OAS2: variants seen among roughly 807,000 people sequenced by gnomAD.
OAS2 encodes 2'-5'-oligoadenylate synthase 2.
OAS2 carries 67 observed loss-of-function variants against 71.3 expected under a neutral mutation model. The observed-to-expected ratio is 0.94, with a 90% CI of 0.77 to 1.15. The LOEUF is 1.15. Ranked by LOEUF, OAS2 falls within the 50% of genes most tolerant of loss-of-function variation. OAS2 has a pLI of 0.00. For synonymous variants in OAS2, 327 were observed against 321.8 expected (o/e 1.02, Z -0.17); for missense variants, 789 against 822.5 (o/e 0.96, Z 0.50).
chr12:112,998,099 G>A lies in OAS2; in HGVS notation c.864-167G>A. The A allele has an allele frequency of 2.9e-6, 2 of 686,928 alleles. 1 individual carries two copies. 42.6% of individuals were successfully genotyped at this position (686,928 alleles called of 1,614,324 possible). On this transcript the variant is annotated intron_variant, in intron 4 of 9. Coordinates refer to ENST00000392583, the MANE Select transcript of OAS2 (RefSeq NM_002535.3). Reference sequence around the variant, plus strand: ...TGTCTCTGTAAAGCAGCAAACCCAGGGCCAGAGGGGCTTGATGTCGTAGAC... The same window carrying A: ...TGTCTCTGTAAAGCAGCAAACCCAGAGCCAGAGGGGCTTGATGTCGTAGAC...
Position 112,987,075 on chromosome 12 carries a change from A to G in OAS2, c.215A>G (p.Asn72Ser). 1 of 1,613,960 alleles carries G rather than the reference A, an allele frequency of 6.2e-7. No homozygotes were observed. Among genetic ancestry groups the G allele is most frequent in the Non-Finnish European group, 8.5e-7 (1 of 1,179,882 alleles). The change falls in exon 2 of 10, where the codon AAC becomes AGC. Residue 72 changes from asparagine to serine, a missense_variant. Coordinates refer to ENST00000392583, the MANE Select transcript of OAS2 (RefSeq NM_002535.3). ...GGACGGAAAACAGTCTTAAGAGGCA[A>G]CTCCGATGGTACCCTTGTCCTCTTC... ...SYGRKTVLRG[N>S]SDGTLVLFFS...
At chr12:112,988,555 C>T in intron 2 of OAS2, 1 of 929,584 alleles carries the variant, frequency 1.1e-6, no homozygotes, top group Non-Finnish European at 1.3e-6. Context: ...TATAGTTCAC[C>T]ATGTACAGAG....
At position 113,001,487 on chromosome 12, in the gene OAS2, C is replaced by CAT. The variant is rs553519985; in HGVS notation, c.1009-1437_1009-1436dup. ...ATATACATATATACACATATATACA[C>CAT]ATATATATACACATCTATACACATA... On this transcript the variant is annotated intron_variant, in intron 5 of 9. Transcript: ENST00000392583. Among the ~76,000 whole-genome samples the CAT allele has an allele frequency of 2.7e-4, 40 of 146,818 alleles. No homozygotes were observed. The South Asian group carries it at 8.4e-3, about 31-fold the overall frequency.
chr12:113,003,246 G>GT, intron 6 of OAS2, 144 bp downstream of exon 6: 5 of 822,014 alleles, frequency 6.1e-6, no homozygotes, highest in Non-Finnish European at 7.9e-6. Flanking sequence ...AAGGGAACTA[G>GT]GACACTAGTT....
chr12:113,001,433 TATATACACATATATAC>T (rs1157580749), intron 5 of OAS2, among the ~76,000 whole-genome samples: 1 of 73,532 alleles, frequency 1.4e-5, no homozygotes, highest in East Asian at 2.6e-4. Context: ...TATGCACATA[TATATACACATATATAC>T]ATATATACAC....
At position 112,978,661 on chromosome 12, in the gene OAS2, G is replaced by T; in HGVS notation, c.53G>T (p.Trp18Leu). 1 of 1,614,128 alleles carries T rather than the reference G, an allele frequency of 6.2e-7. No individual in the cohort carries two copies. The highest frequency in any genetic ancestry group is 8.5e-7 in the Non-Finnish European group (1 of 1,180,012). The change falls in exon 1 of 10, where the codon TGG (tryptophan) becomes TTG (leucine). Residue 18 changes from tryptophan (W) to leucine (L), a missense_variant. Physicochemically the swap from Trp to Leu is moderately conservative, Grantham distance 61 (BLOSUM62 -2). Transcript: ENST00000392583. The surrounding 1 kb of genome is among the most constrained non-coding windows in gnomAD (Gnocchi z 4.2). ...TCGGTGCCTGCTCAGAAGCTGGGTT[G>T]GTTTATCCAGGAATACCTGAAGCCC... ...LSSVPAQKLG[W>L]FIQEYLKPYE... is the part of the protein sequence containing the mutation.
At position 113,009,820 on chromosome 12, in the gene OAS2, G is replaced by A; in HGVS notation, c.*565G>A. The A allele has an allele frequency of 1.0e-6, 1 of 986,514 alleles. No homozygotes were observed. Among genetic ancestry groups the A allele is most frequent in the Non-Finnish European group, 1.2e-6 (1 of 830,892 alleles). The allele number at this position is 986,514 out of a possible 1,614,324, so 61.1% of individuals were successfully genotyped here. A position where few individuals can be genotyped will look rare whatever the true frequency, so the allele number is the denominator to read the frequency against. On this transcript the variant is annotated 3_prime_UTR_variant, in exon 10 of 10. Coordinates refer to ENST00000392583, the MANE Select transcript of OAS2 (RefSeq NM_002535.3). Reference sequence around the variant, plus strand: ...GATGACTGTGGACGTGGGTTGCACTGGCCACCCAAGGATGTCTGCCACACC... The same window carrying A: ...GATGACTGTGGACGTGGGTTGCACTAGCCACCCAAGGATGTCTGCCACACC...
At chr12:113,000,571 GCA>G (rs926076468) in intron 5 of OAS2, among the ~76,000 whole-genome samples, 21 of 133,232 alleles carry the variant, frequency 1.6e-4, no homozygotes, top group Admixed American at 2.9e-4. Context: ...ATGCACACAC[GCA>G]CACACGCACA....
chr12:112,992,943 G>C (rs2044204174), intron 2 of OAS2, among the ~76,000 whole-genome samples: 1 of 152,036 alleles, frequency 6.6e-6, no homozygotes, highest in African/African-American at 2.4e-5. Flanking sequence ...CCCTCTACTG[G>C]GTTCACCCCA....
At chr12:112,981,837 A>G (rs2044085949) in intron 1 of OAS2, among the ~76,000 whole-genome samples, 1 of 152,174 alleles carries the variant, frequency 6.6e-6, no homozygotes, top group African/African-American at 2.4e-5. Flanking sequence ...AATTCTTCCA[A>G]TCCATGAGCA....
chr12:112,980,313 G>A (rs1341078307), intron 1 of OAS2, among the ~76,000 whole-genome samples: 1 of 152,014 alleles, frequency 6.6e-6, no homozygotes, highest in Non-Finnish European at 1.5e-5. Context: ...GTTAACTATA[G>A]TCACCCCATT....
At chr12:112,998,503 G>A (rs1038688365) in intron 5 of OAS2, 93 bp downstream of exon 5, 19 of 1,391,656 alleles carry the variant, frequency 1.4e-5, no homozygotes, top group African/African-American at 6.0e-5. Flanking sequence ...CTCTATATTC[G>A]TTTCCTGTAT....
chr12:112,987,880 C>T (rs1039707673), intron 2 of OAS2: 8 of 985,846 alleles, frequency 8.1e-6, no homozygotes, highest in Non-Finnish European at 9.6e-6. Flanking sequence ...TCCCTAAGAC[C>T]TGCCCACCTC....
chr12:113,004,077 G>A (rs1237997701), intron 6 of OAS2, among the ~76,000 whole-genome samples: 1 of 152,224 alleles, frequency 6.6e-6, no homozygotes, highest in Non-Finnish European at 1.5e-5. Flanking sequence ...CGGCAGATAA[G>A]ACATTGCTTT....
chr12:113,001,019 A>T (rs1310595705), intron 5 of OAS2, among the ~76,000 whole-genome samples: 3 of 152,082 alleles, frequency 2.0e-5, no homozygotes, highest in Non-Finnish European at 2.9e-5. Flanking sequence ...CTGCTGTTTT[A>T]AAAAAATGCC....
rs1425759377 is a variant in OAS2, at chr12:113,009,249, C to T, written c.2058C>T (p.Val686=). Residue 686 remains valine, a synonymous_variant, in exon 10 of 10, where the codon GTC becomes GTT. Transcript: ENST00000392583. ...CACCTTGGAAAGTGCCGGTAAAAGT[C>T]ATCTAAAGGAGGCGTTGTCTGGAAA... The part of the protein sequence containing the change: ...PIPPWKVPVK[V]I The T allele has an allele frequency of 6.2e-7, 1 of 1,613,714 alleles. No homozygotes were observed. The highest frequency in any genetic ancestry group is 1.7e-5 in the Admixed American group (1 of 59,976).
Position 112,995,442 on chromosome 12 carries a change from T to C in OAS2, c.595T>C (p.Leu199=). The C allele has an allele frequency of 6.2e-7, 1 of 1,614,054 alleles. No homozygotes were observed. Among genetic ancestry groups the C allele is most frequent in the African/African-American group, 1.3e-5 (1 of 75,040 alleles). Reference sequence around the variant, plus strand: ...CAACCGTCCTGGAAAACTAAAGGATTTGATCCTCTTGATAAAGCACTGGCA... The same window carrying C: ...CAACCGTCCTGGAAAACTAAAGGATCTGATCCTCTTGATAAAGCACTGGCA... The part of the protein sequence containing the change: ...FDNRPGKLKD[L]ILLIKHWHQQ... The change falls in exon 3 of 10, where the codon TTG becomes CTG. Residue 199 remains leucine (L), a synonymous_variant. Coordinates refer to ENST00000392583, the MANE Select transcript of OAS2 (RefSeq NM_002535.3).
rs1305592524 is a variant in OAS2, at chr12:113,010,151, C to A, written c.*896C>A. On this transcript the variant is annotated 3_prime_UTR_variant, in exon 10 of 10. Coordinates refer to ENST00000392583, the MANE Select transcript of OAS2 (RefSeq NM_002535.3). ...GTGAGAACCCTTGCACTAGAGGAACCCTACACCCCAACCCTGGGGGGAATG... is the reference window on the plus strand; with the variant it reads ...GTGAGAACCCTTGCACTAGAGGAACACTACACCCCAACCCTGGGGGGAATG... 4 of 1,277,490 alleles carry A rather than the reference C, an allele frequency of 3.1e-6. No individual in the cohort carries two copies. The highest frequency in any genetic ancestry group is 4.0e-6 in the Non-Finnish European group (4 of 1,010,102). 79.1% of individuals were successfully genotyped at this position (1,277,490 alleles called of 1,614,324 possible). A position where few individuals can be genotyped will look rare whatever the true frequency, so the allele number is the denominator to read the frequency against.
rs533877719 is a variant in OAS2, at chr12:113,010,225, G to C, written c.*970G>C. ...CCGTGGGGTTAGCTCTAATTATTAA[G>C]ATATGCATTATAAATAAATACCAAA... On this transcript the variant is annotated 3_prime_UTR_variant, in exon 10 of 10. Transcript: ENST00000392583. 43 of 1,458,310 alleles carry C rather than the reference G, an allele frequency of 2.9e-5. No homozygotes were observed. Among genetic ancestry groups the C allele is most frequent in the Non-Finnish European group, 3.9e-5 (43 of 1,112,388 alleles). 90.3% of individuals were successfully genotyped at this position (1,458,310 alleles called of 1,614,324 possible).
Sources: allele counts gnomAD v4.1 joint callset (sites outside exome capture counted in the v4.1 genomes callset), GRCh38; gene constraint gnomAD v4.1.1; non-coding constraint Gnocchi (gnomAD v3.1); transcripts MANE v1.5; gene names NCBI Gene and HGNC (gene_info 2026-07-23, HGNC 2026-07-21).